KRTCAP2: variants seen among roughly 807,000 people sequenced by gnomAD.
KRTCAP2 encodes keratinocyte associated protein 2, also known as dolichyl-diphosphooligosaccharide--protein glycosyltransferase subunit KCP2.
A neutral mutation model predicts 16.5 loss-of-function variants in KRTCAP2; 10 were observed. The ratio of observed to expected loss-of-function variants is 0.60; its 90% CI spans 0.37 to 1.02. The LOEUF (loss-of-function observed/expected upper bound fraction) is 1.02, where lower values mean the gene tolerates loss of function less well. Among genes scored for constraint, KRTCAP2 ranks in the 50% least tolerant of loss-of-function variants. The pLI is 0.01. For missense variants in KRTCAP2, 152 were observed against 159.6 expected (o/e 0.95, Z 0.26); for synonymous variants, 68 against 69.8 (o/e 0.97, Z 0.13).
In KRTCAP2 at chr1:155,172,791, G is replaced by A; in HGVS notation, c.106C>T (p.Leu36Phe). 1.2e-6 allele frequency: 2 copies of A among 1,614,262 alleles called. No homozygotes were observed. Among genetic ancestry groups the A allele is most frequent in the Non-Finnish European group, 1.7e-6 (2 of 1,180,048 alleles). The change falls in exon 2 of 5, where the codon CTC becomes TTC. Residue 36 changes from leucine to phenylalanine, a missense_variant. Coordinates refer to ENST00000295682, the MANE Select transcript of KRTCAP2 (RefSeq NM_173852.4). ...YSRQLASTEW[L>F]TIQGGLLGSG... ...CCAAGCAGGCCGCCCTGGATGGTGA[G>A]CCACTCGGTGGAGGCCAGCTGACGG...
rs1258782586 is a variant in KRTCAP2, at chr1:155,169,862, G to A, written c.224-5C>T. ...CCAACAGGAGGCACAGGAGAACTAGGGAGGCAAGAAGAACAAGGAGGGCAA... is the reference window on the plus strand; with the variant it reads ...CCAACAGGAGGCACAGGAGAACTAGAGAGGCAAGAAGAACAAGGAGGGCAA... On this transcript the variant is annotated splice_polypyrimidine_tract_variant and splice_region_variant and intron_variant, in intron 3 of 4. Coordinates refer to ENST00000295682, the MANE Select transcript of KRTCAP2 (RefSeq NM_173852.4). 3.2e-6 allele frequency: 5 copies of A among 1,582,016 alleles called. No homozygotes were observed. The highest frequency in any genetic ancestry group is 1.8e-5 in the Admixed American group (1 of 55,510).
chr1:155,173,279 C>T lies in KRTCAP2; in HGVS notation c.-55G>A, dbSNP rs756992066. ...CTCTGGCCAAGAAAGGCGAGCTGAA[C>T]CGGGTGCGGTTAGCTATGCGCATGC... On this transcript the variant is annotated 5_prime_UTR_variant, in exon 1 of 5. Transcript: ENST00000295682. 6.2e-7 allele frequency: 1 copy of T among 1,614,102 alleles called. No homozygotes were observed. Among genetic ancestry groups the T allele is most frequent in the Non-Finnish European group, 8.5e-7 (1 of 1,179,998 alleles).
intron 3 of KRTCAP2, 47 bp downstream of exon 3, chr1:155,172,518 G>A (rs763070508): frequency 1.9e-6 from 3 of 1,614,128 alleles, no homozygotes; most frequent in Middle Eastern, 1.6e-4. Context: ...GTTTCAGGAG[G>A]TTAAAGAGGA....
At chr1:155,173,025 C>G (rs1571720912) in intron 1 of KRTCAP2, 133 bp from the exon 2 acceptor site, 2 of 1,037,466 alleles carry the variant, frequency 1.9e-6, no homozygotes, top group Non-Finnish European at 2.9e-6. Context: ...GCCACACGCC[C>G]CAACTCCCCA....
chr1:155,169,793 G>C lies in KRTCAP2; in HGVS notation c.288C>G (p.Thr96=), dbSNP rs1190943702. Residue 96 remains threonine (T), a splice_region_variant and synonymous_variant, in exon 4 of 5, where the codon ACC becomes ACG. Coordinates refer to ENST00000295682, the MANE Select transcript of KRTCAP2 (RefSeq NM_173852.4). Reference sequence around the variant, plus strand: ...TTACCCAGCTGTCAAGAACATACCAGGTGGTGACACAGACTCGGTGGATGA... The same window carrying C: ...TTACCCAGCTGTCAAGAACATACCACGTGGTGACACAGACTCGGTGGATGA... ...SGLIHRVCVT[T]CFIFSMVGLY... The C allele has an allele frequency of 6.3e-7, 1 of 1,593,774 alleles. No individual in the cohort carries two copies. The highest frequency in any genetic ancestry group is 8.6e-7 in the Non-Finnish European group (1 of 1,169,116).
In KRTCAP2 at chr1:155,173,232, C is replaced by T. The variant is rs1456917439; in HGVS notation, c.-8G>A. 3.1e-6 allele frequency: 5 copies of T among 1,613,878 alleles called. No homozygotes were observed. In the East Asian group the frequency reaches 6.7e-5, roughly 22 times the overall value. ...ACCGGTCCTGTTACCCATCATGCCC[C>T]GCCCGTGAGTCCAACCGGCGCCTCT... On this transcript the variant is annotated 5_prime_UTR_variant, in exon 1 of 5. Transcript: ENST00000295682.
At chr1:155,169,733 A>G in intron 4 of KRTCAP2, 58 bp downstream of exon 4, 2 of 1,437,414 alleles carry the variant, frequency 1.4e-6, no homozygotes, top group Non-Finnish European at 1.9e-6. Flanking sequence ...CCATCACAGT[A>G]AGATCCAATG....
intron 3 of KRTCAP2, 36 bp downstream of exon 3, chr1:155,172,529 G>A (rs1245150793): frequency 1.2e-6 from 2 of 1,614,208 alleles, no homozygotes; most frequent in South Asian, 2.2e-5. Flanking sequence ...TTAAAGAGGA[G>A]AAAGTTCAAA....
intron 3 of KRTCAP2, chr1:155,171,397 T>C (rs1478671907): frequency 6.0e-5 from 56 of 926,808 alleles, no homozygotes; most frequent in Non-Finnish European, 6.6e-5. Flanking sequence ...CCAGCATGGG[T>C]GACAGAGCGA....
chr1:155,172,313 T>TC, intron 3 of KRTCAP2: 4 of 1,347,826 alleles, frequency 3.0e-6, no homozygotes, highest in Non-Finnish European at 3.8e-6. Context: ...ATTTGCCTGT[T>TC]CCCCTCAAAC....
chr1:155,172,437 T>G, intron 3 of KRTCAP2, 128 bp downstream of exon 3: 6 of 1,545,496 alleles, frequency 3.9e-6, no homozygotes, highest in Non-Finnish European at 5.2e-6. Flanking sequence ...GTCATCTGTC[T>G]TCAGACAGCT....
Position 155,172,822 on chromosome 1 carries a change from C to T in KRTCAP2, c.75G>A (p.Met25Ile). The T allele has an allele frequency of 1.9e-6, 3 of 1,614,230 alleles. No individual in the cohort carries two copies. The highest frequency in any genetic ancestry group is 2.5e-6 in the Non-Finnish European group (3 of 1,180,044). ...LSLLLFAGMQ[M>I]YSRQLASTEW... is the part of the protein sequence containing the mutation. ...CGGTGGAGGCCAGCTGACGGCTGTACATCTGCATCCCAGCAAAGAGCAGCA... is the reference window on the plus strand; with the variant it reads ...CGGTGGAGGCCAGCTGACGGCTGTATATCTGCATCCCAGCAAAGAGCAGCA... The change falls in exon 2 of 5, where the codon ATG becomes ATA. Residue 25 changes from methionine to isoleucine, a missense_variant. Transcript: ENST00000295682.
chr1:155,171,774 C>A, intron 3 of KRTCAP2: 1 of 669,502 alleles, frequency 1.5e-6, no homozygotes, highest in South Asian at 6.7e-5. Flanking sequence ...GGGAAGATTG[C>A]TTGAGACCAG....
intron 3 of KRTCAP2, chr1:155,170,071 A>G: frequency 2.1e-6 from 1 of 472,034 alleles, no homozygotes; most frequent in Non-Finnish European, 3.9e-6. Flanking sequence ...CTGGAATCCC[A>G]GCACTTCGGG....
chr1:155,172,887 C>G lies in KRTCAP2; in HGVS notation c.10G>C (p.Gly4Arg). 1 of 1,613,896 alleles carries G rather than the reference C, an allele frequency of 6.2e-7. No homozygotes were observed. The highest frequency in any genetic ancestry group is 8.5e-7 in the Non-Finnish European group (1 of 1,179,984). MVVGTGTSLALSSL... is the reference protein window; with the variant it reads MVVRTGTSLALSSL... ...GAGAGCGCCAGCGAGGTGCCCGTACCCACCACTGGAGGGGATGGGAGAAGG... is the reference window on the plus strand; with the variant it reads ...GAGAGCGCCAGCGAGGTGCCCGTACGCACCACTGGAGGGGATGGGAGAAGG... Residue 4 changes from glycine to arginine, a missense_variant, in exon 2 of 5, where the codon GGT becomes CGT. Gly to Arg is a moderately radical substitution (Grantham distance 125). Transcript: ENST00000295682.
chr1:155,172,815 G>C lies in KRTCAP2; in HGVS notation c.82C>G (p.Arg28Gly), dbSNP rs1327263068. 6.2e-7 allele frequency: 1 copy of C among 1,614,074 alleles called. No homozygotes were observed. Among genetic ancestry groups the C allele is most frequent in the African/African-American group, 1.3e-5 (1 of 74,918 alleles). The part of the protein sequence containing the change: ...LLFAGMQMYS[R>G]QLASTEWLTI... ...AGCCACTCGGTGGAGGCCAGCTGAC[G>C]GCTGTACATCTGCATCCCAGCAAAG... Residue 28 changes from arginine to glycine, a missense_variant, in exon 2 of 5, where the codon CGT (arginine) becomes GGT (glycine). By Grantham distance (125) the Arg-to-Gly change is moderately radical (BLOSUM62 -2). Coordinates refer to ENST00000295682, the MANE Select transcript of KRTCAP2 (RefSeq NM_173852.4).
In KRTCAP2 at chr1:155,173,278, A is replaced by T; in HGVS notation, c.-54T>A. The T allele has an allele frequency of 6.2e-7, 1 of 1,614,096 alleles. No individual in the cohort carries two copies. The highest frequency in any genetic ancestry group is 8.5e-7 in the Non-Finnish European group (1 of 1,179,996). ...CCTCTGGCCAAGAAAGGCGAGCTGA[A>T]CCGGGTGCGGTTAGCTATGCGCATG... On this transcript the variant is annotated 5_prime_UTR_variant, in exon 1 of 5. Transcript: ENST00000295682.
chr1:155,172,635 G>C lies in KRTCAP2; in HGVS notation c.160-7C>G. ...TCTCCAGATTATTGAAGGCCTGGTT[G>C]AGGGAGTTAAGGAGTAGGGTGTGCA... On this transcript the variant is annotated splice_region_variant and splice_polypyrimidine_tract_variant and intron_variant, in intron 2 of 4. Coordinates refer to ENST00000295682, the MANE Select transcript of KRTCAP2 (RefSeq NM_173852.4). The C allele has an allele frequency of 6.2e-7, 1 of 1,614,234 alleles. No homozygotes were observed. Among genetic ancestry groups the C allele is most frequent in the Non-Finnish European group, 8.5e-7 (1 of 1,180,044 alleles).
At chr1:155,170,836 T>G (rs1665216159) in intron 3 of KRTCAP2, 2 of 152,042 alleles carry the variant, frequency 1.3e-5, no homozygotes, top group African/African-American at 4.8e-5. Flanking sequence ...TGAGGCAGAA[T>G]CTCACTCTGT....
Sources: gnomAD v4.1 joint callset for allele counts on GRCh38, gnomAD v4.1.1 for gene constraint, MANE v1.5 for transcripts, NCBI Gene and HGNC (gene_info 2026-07-23, HGNC 2026-07-21) for gene names.